Variants in ADAMTS19 observed in about 807,000 individuals in gnomAD.
ADAMTS19 encodes A disintegrin and metalloproteinase with thrombospondin motifs 19.
ADAMTS19 carries 93 observed loss-of-function variants against 153.3 expected under a neutral mutation model. The observed-to-expected ratio is 0.61, with a 90% confidence interval of 0.51 to 0.72. The LOEUF is 0.72. ADAMTS19 is among the 30% of genes least tolerant of loss of function. The probability of loss-of-function intolerance (pLI) is 0.00; values close to 1 mark genes in which losing one functional copy is unlikely to be tolerated. For missense variants in ADAMTS19, 1,482 were observed against 1,552.1 expected, an observed-to-expected ratio of 0.95 and a Z score of 0.76; for synonymous variants, 600 against 556.6, an observed-to-expected ratio of 1.08 and a Z score of -1.10.
intron 10 of ADAMTS19, among the ~76,000 whole-genome samples, chr5:129,631,165 T>G (rs987559860): frequency 6.8e-6 from 1 of 147,942 alleles, no homozygotes; most frequent in Non-Finnish European, 1.5e-5. Context: ...TTTAGGTTTT[T>G]TTTTTTTTTT....
chr5:129,485,359 G>A (rs575080612), intron 2 of ADAMTS19, among the ~76,000 whole-genome samples: 1 of 152,208 alleles, frequency 6.6e-6, no homozygotes, highest in Admixed American at 6.5e-5. Context: ...CAATGGTTAT[G>A]GGAAAATGTA....
At chr5:129,488,934 A>C (rs542453985) in intron 2 of ADAMTS19, among the ~76,000 whole-genome samples, 12 of 152,090 alleles carry the variant, frequency 7.9e-5, no homozygotes, top group Non-Finnish European at 1.8e-4. Context: ...GTTCAAAAAT[A>C]TATTGGCCCA....
At position 129,738,271 on chromosome 5, in the gene ADAMTS19, G is replaced by A. The variant is rs1340256158; in HGVS notation, c.*1053G>A. The A allele has an allele frequency of 6.6e-6, 1 of 151,892 alleles. No homozygotes were observed. The highest frequency in any genetic ancestry group is 1.5e-5 in the Non-Finnish European group (1 of 67,944). 9.4% of individuals were successfully genotyped at this position (151,892 alleles called of 1,614,324 possible). A position where few individuals can be genotyped will look rare whatever the true frequency, so the allele number is the denominator to read the frequency against. The stretch of plus-strand genomic sequence containing the variant: ...AGCCAGCTTAAAATTTTTCTTGTGA[G>A]AAAATATTATACATGATTCACATGA... On this transcript the variant is annotated 3_prime_UTR_variant, in exon 23 of 23. Transcript: ENST00000274487.
chr5:129,552,225 T>C (rs927799602), intron 7 of ADAMTS19, among the ~76,000 whole-genome samples: 2 of 151,826 alleles, frequency 1.3e-5, no homozygotes, highest in African/African-American at 2.4e-5. Context: ...AATATATTAA[T>C]GACATTATGT....
intron 8 of ADAMTS19, among the ~76,000 whole-genome samples, chr5:129,616,694 A>C (rs1252527988): frequency 1.3e-5 from 2 of 152,066 alleles, no homozygotes; most frequent in African/African-American, 4.8e-5. Context: ...TCTTTGTCAA[A>C]ATGAATTTAA....
At chr5:129,471,680 T>C (rs1165427656) in intron 2 of ADAMTS19, among the ~76,000 whole-genome samples, 1 of 152,132 alleles carries the variant, frequency 6.6e-6, no homozygotes, top group African/African-American at 2.4e-5. Context: ...CCATTAGTTA[T>C]TTTTTCTTAT....
intron 2 of ADAMTS19, among the ~76,000 whole-genome samples, chr5:129,496,939 CT>C (rs1486569811): frequency 2.0e-5 from 3 of 152,020 alleles, no homozygotes; most frequent in Non-Finnish European, 4.4e-5. Context: ...AAAATTTTCT[CT>C]TTTGCAACAA....
At chr5:129,491,623 T>C (rs1581002878) in intron 2 of ADAMTS19, among the ~76,000 whole-genome samples, 1 of 152,218 alleles carries the variant, frequency 6.6e-6, no homozygotes, top group Non-Finnish European at 1.5e-5. Flanking sequence ...TTTCTTCCTG[T>C]CTGCCAAATT....
chr5:129,653,055 GA>G (rs1376325326), intron 13 of ADAMTS19, among the ~76,000 whole-genome samples: 1 of 152,142 alleles, frequency 6.6e-6, no homozygotes, highest in Non-Finnish European at 1.5e-5. Context: ...AGCCACATGT[GA>G]AAACTGTTTG....
At chr5:129,463,376 C>G (rs1455508973) in intron 2 of ADAMTS19, among the ~76,000 whole-genome samples, 1 of 152,030 alleles carries the variant, frequency 6.6e-6, no homozygotes, top group African/African-American at 2.4e-5. Flanking sequence ...CACGTGTACC[C>G]TAGAACTTAA....
chr5:129,462,080 A>C (rs961821709), intron 2 of ADAMTS19, among the ~76,000 whole-genome samples: 13 of 152,168 alleles, frequency 8.5e-5, no homozygotes, highest in African/African-American at 2.9e-4. Flanking sequence ...AGTTTTCCAA[A>C]CTAAGCGCTC....
chr5:129,724,721 CAGG>C (rs1757135762), intron 21 of ADAMTS19, among the ~76,000 whole-genome samples: 1 of 152,068 alleles, frequency 6.6e-6, no homozygotes, highest in Non-Finnish European at 1.5e-5. Context: ...TGGTGAAATG[CAGG>C]AGGTTTTATA....
At chr5:129,736,529 C>T (rs991725188) in intron 22 of ADAMTS19, among the ~76,000 whole-genome samples, 2 of 151,990 alleles carry the variant, frequency 1.3e-5, no homozygotes, top group Non-Finnish European at 2.9e-5. Context: ...AAATCTCAGT[C>T]GCTTGTGATG....
chr5:129,472,203 C>T (rs188341118), intron 2 of ADAMTS19, among the ~76,000 whole-genome samples: 23 of 152,290 alleles, frequency 1.5e-4, no homozygotes, highest in African/African-American at 5.3e-4. Flanking sequence ...TTCTCTGCAA[C>T]CTTGCTAGGA....
intron 6 of ADAMTS19, among the ~76,000 whole-genome samples, chr5:129,544,709 G>A (rs1287960195): frequency 6.6e-6 from 1 of 152,112 alleles, no homozygotes; most frequent in Admixed American, 6.6e-5. Context: ...AGGTTTTTAT[G>A]TTTTAATGAG....
At chr5:129,670,703 T>C (rs1754264314) in intron 16 of ADAMTS19, among the ~76,000 whole-genome samples, 3 of 152,300 alleles carry the variant, frequency 2.0e-5, no homozygotes, top group African/African-American at 7.2e-5. Flanking sequence ...ATATAACCTC[T>C]TTTTCCCCCT....
intron 8 of ADAMTS19, among the ~76,000 whole-genome samples, chr5:129,615,122 T>G (rs1450676670): frequency 6.6e-6 from 1 of 152,088 alleles, no homozygotes; most frequent in South Asian, 2.1e-4. Context: ...CAAGGTAATT[T>G]ATAGATTCAA....
intron 3 of ADAMTS19, among the ~76,000 whole-genome samples, chr5:129,510,090 A>G (rs1474796410): frequency 6.6e-6 from 1 of 151,982 alleles, no homozygotes; most frequent in Non-Finnish European, 1.5e-5. Context: ...CTGAGGAAAT[A>G]TAAATTTATT....
At chr5:129,546,905 T>G (rs765460976) in intron 6 of ADAMTS19, among the ~76,000 whole-genome samples, 40 of 151,152 alleles carry the variant, frequency 2.6e-4, no homozygotes, top group Non-Finnish European at 5.0e-4. Flanking sequence ...AATTTCAGAT[T>G]AAAAACACAT....
Sources: gnomAD v4.1 joint callset for allele counts (sites outside exome capture counted in the v4.1 genomes callset) on GRCh38, gnomAD v4.1.1 for gene constraint, MANE v1.5 for transcripts, NCBI Gene and HGNC (gene_info 2026-07-23, HGNC 2026-07-21) for gene names.